CSMD1: variants seen among roughly 807,000 people sequenced by gnomAD.
CSMD1 encodes the protein CUB and sushi domain-containing protein 1.
Under a neutral mutation model 417.5 loss-of-function variants are expected in CSMD1, and 213 were observed. The ratio of observed to expected loss-of-function variants is 0.51; its 90% CI spans 0.46 to 0.57. The LOEUF (loss-of-function observed/expected upper bound fraction) is 0.57. Among genes scored for constraint, CSMD1 ranks in the 20% least tolerant of loss-of-function variants. The pLI is 0.00. For missense variants in CSMD1, 6,923 were observed against 4,529.7 expected, an observed-to-expected ratio of 1.53 and a Z score of -15.17; for synonymous variants, 2,862 against 1,736.8, an observed-to-expected ratio of 1.65 and a Z score of -16.11.
intron 5 of CSMD1, among the ~76,000 whole-genome samples, chr8:3,830,804 A>G (rs1271392217): frequency 6.6e-6 from 1 of 152,198 alleles, no homozygotes; most frequent in Non-Finnish European, 1.5e-5. Context: ...ATGCTAACTG[A>G]AATAAAATAA....
chr8:3,917,164 A>C (rs796448199), intron 5 of CSMD1, among the ~76,000 whole-genome samples: 11 of 152,316 alleles, frequency 7.2e-5, no homozygotes, highest in African/African-American at 2.6e-4. Flanking sequence ...CAGAGGAATA[A>C]CGATTACAAA....
chr8:3,803,621 G>A (rs1157224769), intron 5 of CSMD1, among the ~76,000 whole-genome samples: 1 of 152,144 alleles, frequency 6.6e-6, no homozygotes. Flanking sequence ...AGTGGACTCA[G>A]AACATTTGAG....
chr8:4,772,164 G>A (rs11783524), intron 1 of CSMD1, among the ~76,000 whole-genome samples: 2 of 151,872 alleles, frequency 1.3e-5, no homozygotes, highest in Non-Finnish European at 2.9e-5. Flanking sequence ...TGGTAGGGAT[G>A]AAGTCCTGTT....
Position 4,243,063 on chromosome 8 carries a change from GT to G in CSMD1, c.415+176889del, listed in dbSNP as rs1373831392. 7.6e-4 allele frequency among the ~76,000 whole-genome samples: 116 copies of G among 152,238 alleles called. 1 individual carries two copies. The highest frequency in any genetic ancestry group is 2.6e-3 in the African/African-American group (110 of 41,538). ...TATCTGAGTACACGGGTCAGGGGTA[GT>G]TTTTTCCTTTCTTGCCATGAGGTCT... On this transcript the variant is annotated intron_variant, in intron 3 of 69. Transcript: ENST00000635120.
intron 6 of CSMD1, among the ~76,000 whole-genome samples, chr8:3,713,149 G>T (rs373605829): frequency 1.2e-3 from 189 of 152,200 alleles, no homozygotes; most frequent in Middle Eastern, 3.4e-3. Context: ...TTTAAGGGCT[G>T]AAAAATCAAA....
intron 50 of CSMD1, among the ~76,000 whole-genome samples, chr8:3,040,577 G>A (rs1811022228): frequency 1.3e-5 from 2 of 151,814 alleles, no homozygotes; most frequent in Non-Finnish European, 2.9e-5. Flanking sequence ...GGACGAGGCA[G>A]GTGGATCACG....
At chr8:4,986,290 G>A (rs771049792) in intron 1 of CSMD1, among the ~76,000 whole-genome samples, 1 of 152,236 alleles carries the variant, frequency 6.6e-6, no homozygotes, top group Middle Eastern at 3.4e-3. Flanking sequence ...TAATTTTATA[G>A]AAAAGGGAAT....
At chr8:3,903,559 A>C (rs901027684) in intron 5 of CSMD1, among the ~76,000 whole-genome samples, 2 of 152,296 alleles carry the variant, frequency 1.3e-5, no homozygotes, top group African/African-American at 4.8e-5. Context: ...CTGAATTTCA[A>C]TGTGTAGAAT....
intron 3 of CSMD1, among the ~76,000 whole-genome samples, chr8:4,328,433 A>G (rs1386408219): frequency 1.3e-5 from 2 of 151,996 alleles, no homozygotes; most frequent in Non-Finnish European, 2.9e-5. Context: ...TTCTTAATTT[A>G]TACAAATTTC....
At chr8:3,451,448 G>C (rs1815708102) in intron 12 of CSMD1, among the ~76,000 whole-genome samples, 2 of 152,136 alleles carry the variant, frequency 1.3e-5, no homozygotes, top group Non-Finnish European at 2.9e-5. Flanking sequence ...TATGGTTTTA[G>C]GGCTAACATT....
intron 26 of CSMD1, among the ~76,000 whole-genome samples, chr8:3,257,229 C>G (rs1057230145): frequency 8.5e-5 from 13 of 152,178 alleles, no homozygotes; most frequent in Non-Finnish European, 1.9e-4. Context: ...GAGGCTGAGG[C>G]AGGAGAATCG....
chr8:4,316,965 T>C lies in CSMD1; in HGVS notation c.415+102988A>G, dbSNP rs1215798096. On this transcript the variant is annotated intron_variant, in intron 3 of 69. Transcript: ENST00000635120. ...CCACATGTCAGATTCATACGAAAAC[T>C]CAAGAGTAAATACAATCGACTCTTA... Among the ~76,000 whole-genome samples the C allele has an allele frequency of 1.4e-4, 21 of 151,562 alleles. 1 individual carries two copies. Among genetic ancestry groups the C allele is most frequent in the Admixed American group, 1.2e-3 (19 of 15,204 alleles).
chr8:3,128,840 C>A (rs943231141), intron 41 of CSMD1: 2 of 452,044 alleles, frequency 4.4e-6, no homozygotes, highest in Admixed American at 4.8e-5. Flanking sequence ...TTCTCCTTGA[C>A]ATCTGGCTTG....
At chr8:4,437,735 C>A (rs930594197) in intron 2 of CSMD1, among the ~76,000 whole-genome samples, 60 of 152,204 alleles carry the variant, frequency 3.9e-4, no homozygotes, top group African/African-American at 1.3e-3. Flanking sequence ...GCTTAGGCTG[C>A]CAATGAGTTC....
At chr8:3,534,012 G>A (rs773267303) in intron 10 of CSMD1, among the ~76,000 whole-genome samples, 19 of 152,178 alleles carry the variant, frequency 1.2e-4, no homozygotes, top group South Asian at 2.1e-4. Context: ...CTACTTTTGC[G>A]GAAGAAGAAT....
rs918106044 is a variant in CSMD1, at chr8:4,686,570, A to G, written c.86-49012T>C. On this transcript the variant is annotated intron_variant, in intron 1 of 69. Coordinates refer to ENST00000635120, the MANE Select transcript of CSMD1 (RefSeq NM_033225.6). ...GCTACATCCCTGCTGATTTATAAGC[A>G]TTAGATCACAAGTCCTTCGTCCAGT... Among the ~76,000 whole-genome samples the G allele has an allele frequency of 2.2e-4, 34 of 152,360 alleles. 1 individual carries two copies. The highest frequency in any genetic ancestry group is 4.1e-4 in the South Asian group (2 of 4,830).
intron 3 of CSMD1, among the ~76,000 whole-genome samples, chr8:4,339,570 G>A (rs536452159): frequency 1.3e-5 from 2 of 152,058 alleles, no homozygotes; most frequent in South Asian, 2.1e-4. Flanking sequence ...AATAACTTTC[G>A]GTTGTTTATT....
chr8:3,748,405 A>G (rs998386898), intron 6 of CSMD1, among the ~76,000 whole-genome samples: 28 of 152,196 alleles, frequency 1.8e-4, no homozygotes, highest in African/African-American at 6.8e-4. Context: ...ACTGCCATGG[A>G]AACAGGCAGG....
intron 10 of CSMD1, among the ~76,000 whole-genome samples, chr8:3,544,569 C>T (rs1798577611): frequency 6.6e-6 from 1 of 152,070 alleles, no homozygotes; most frequent in Non-Finnish European, 1.5e-5. Flanking sequence ...GATCCAAGAA[C>T]CCTCTCTTAG....
Sources: allele counts gnomAD v4.1 joint callset (sites outside exome capture counted in the v4.1 genomes callset), GRCh38; gene constraint gnomAD v4.1.1; transcripts MANE v1.5; gene names NCBI Gene and HGNC (gene_info 2026-07-23, HGNC 2026-07-21).